The following ABLIM3 variants were observed in gnomAD, a reference collection of about 807,000 sequenced individuals.
The protein encoded by ABLIM3 is actin-binding LIM protein 3.
A neutral mutation model predicts 109.5 loss-of-function variants in ABLIM3; 61 were observed. That is an observed-to-expected ratio of 0.56 (90% CI 0.45 to 0.69). ABLIM3 has a LOEUF of 0.69. Ranked by LOEUF, ABLIM3 falls within the 30% of genes least tolerant of loss-of-function variation. ABLIM3 has a pLI of 0.00. For synonymous variants in ABLIM3, 300 were observed against 324.8 expected (o/e 0.92, Z 0.82); for missense variants, 796 against 889.5 (o/e 0.89, Z 1.34).
chr5:149,191,263 A>G (rs201751213), intron 3 of ABLIM3, among the ~76,000 whole-genome samples: 1 of 151,642 alleles, frequency 6.6e-6, no homozygotes, highest in East Asian at 1.9e-4. Context: ...TGTAGTTGCT[A>G]TTAAAATTAA....
chr5:149,207,803 G>A (rs1759146402), intron 6 of ABLIM3, among the ~76,000 whole-genome samples: 1 of 152,224 alleles, frequency 6.6e-6, no homozygotes, highest in South Asian at 2.1e-4. Context: ...ATGGATATGA[G>A]AGGAGGTGAT....
chr5:149,209,702 T>G (rs1036385841), intron 6 of ABLIM3, among the ~76,000 whole-genome samples: 31 of 152,230 alleles, frequency 2.0e-4, no homozygotes, highest in African/African-American at 6.5e-4. Context: ...GAGAACCTGA[T>G]TGAGCGGGGG....
intron 2 of ABLIM3, among the ~76,000 whole-genome samples, chr5:149,154,730 T>C (rs1753734377): frequency 6.6e-6 from 1 of 152,356 alleles, no homozygotes; most frequent in South Asian, 2.1e-4. Context: ...CTTTCTCTCA[T>C]CCTCCTTTGA....
rs777571642 is a variant in ABLIM3, at chr5:149,247,874, C to T, written c.1644C>T (p.Ser548=). 6.2e-7 allele frequency: 1 copy of T among 1,614,224 alleles called. No homozygotes were observed. Among genetic ancestry groups the T allele is most frequent in the Non-Finnish European group, 8.5e-7 (1 of 1,180,044 alleles). The part of the protein sequence containing the change: ...YADPWTPPRS[S]TSSREALHTA... ...ATCCCTGGACCCCTCCCCGGAGCTCCACCAGCAGCCGGGAAGCCCTGCACA... is the reference window on the plus strand; with the variant it reads ...ATCCCTGGACCCCTCCCCGGAGCTCTACCAGCAGCCGGGAAGCCCTGCACA... The change falls in exon 18 of 24, where the codon TCC becomes TCT. Residue 548 remains serine, a synonymous_variant. Transcript: ENST00000309868.
chr5:149,252,915 G>T, intron 23 of ABLIM3, 78 bp downstream of exon 23: 1 of 1,130,800 alleles, frequency 8.8e-7, no homozygotes, highest in Non-Finnish European at 1.3e-6. Context: ...CAGCTCAAGA[G>T]GGCTGGGTGG....
intron 17 of ABLIM3, among the ~76,000 whole-genome samples, chr5:149,246,787 C>T (rs147243242): frequency 1.0e-3 from 152 of 152,356 alleles, no homozygotes; most frequent in African/African-American, 3.5e-3. Flanking sequence ...TCTGCATTGG[C>T]TTCATGCTCA....
chr5:149,168,671 A>T (rs973807741), intron 2 of ABLIM3, among the ~76,000 whole-genome samples: 2 of 152,234 alleles, frequency 1.3e-5, no homozygotes, highest in African/African-American at 4.8e-5. Context: ...ATGCCAGTTG[A>T]CTTTTTTAAA....
chr5:149,165,262 T>G (rs1022834223), intron 2 of ABLIM3, among the ~76,000 whole-genome samples: 3 of 152,212 alleles, frequency 2.0e-5, no homozygotes, highest in African/African-American at 4.8e-5. Context: ...TCTAGCCCAT[T>G]GAATGATTCT....
chr5:149,170,228 T>TTTTCTCTCTCTCTCTCTCTC (rs1554082423), intron 2 of ABLIM3, among the ~76,000 whole-genome samples: 9 of 124,604 alleles, frequency 7.2e-5, no homozygotes, highest in African/African-American at 2.8e-4. Flanking sequence ...AGGGTTCTGT[T>TTTTCTCTCTCTCTCTCTCTC]TCTCTCTCTC....
intron 2 of ABLIM3, among the ~76,000 whole-genome samples, chr5:149,157,741 G>T (rs1331512762): frequency 6.6e-6 from 1 of 151,934 alleles, no homozygotes; most frequent in Non-Finnish European, 1.5e-5. Flanking sequence ...GGCCATGATT[G>T]TCAAACATGA....
chr5:149,249,929 G>T (rs1163238450), intron 19 of ABLIM3, 85 bp downstream of exon 19: 2 of 1,507,714 alleles, frequency 1.3e-6, no homozygotes, highest in East Asian at 2.3e-5. Context: ...TAGTTCTAAT[G>T]ACCATACAAT....
chr5:149,210,692 A>C (rs761285481), intron 6 of ABLIM3, 34 bp from the exon 7 acceptor site: 9 of 1,594,384 alleles, frequency 5.6e-6, no homozygotes, highest in Non-Finnish European at 7.7e-6. Context: ...GATCCTCCCT[A>C]ACTTCCTCAT....
chr5:149,248,873 C>T (rs1044333518), intron 18 of ABLIM3, among the ~76,000 whole-genome samples: 10 of 63,714 alleles, frequency 1.6e-4, no homozygotes, highest in African/African-American at 3.7e-4. Context: ...CACACACACA[C>T]ACACACACAC....
intron 10 of ABLIM3, among the ~76,000 whole-genome samples, chr5:149,234,062 T>C: frequency 6.6e-6 from 1 of 152,236 alleles, no homozygotes; most frequent in East Asian, 1.9e-4. Flanking sequence ...ATGCCTGTCC[T>C]CATGACATTG....
intron 8 of ABLIM3, among the ~76,000 whole-genome samples, chr5:149,226,900 A>G (rs1161744856): frequency 2.6e-5 from 4 of 151,866 alleles, no homozygotes; most frequent in Admixed American, 1.3e-4. Flanking sequence ...GAGAAACCCC[A>G]TCTCTACTAA....
chr5:149,142,062 T>A lies in ABLIM3; in HGVS notation c.-34T>A, dbSNP rs1323830064. 2 of 1,613,770 alleles carry A rather than the reference T, an allele frequency of 1.2e-6. No individual in the cohort carries two copies. Among genetic ancestry groups the A allele is most frequent in the East Asian group, 4.5e-5 (2 of 44,818 alleles). ...ATTTAAAAAGCAGCCGGGGCCTCCG[T>A]ATTGAATGAAAGACCCAGTGCAAAG... On this transcript the variant is annotated 5_prime_UTR_variant, in exon 2 of 24. Transcript: ENST00000309868.
At chr5:149,156,996 G>GAA (rs1267859563) in intron 2 of ABLIM3, among the ~76,000 whole-genome samples, 8 of 152,358 alleles carry the variant, frequency 5.3e-5, no homozygotes, top group Middle Eastern at 3.4e-3. Context: ...TGATGACAAA[G>GAA]AAATGTTCAA....
rs116595340 is a variant in ABLIM3 at position 149,217,539 on chromosome 5, C to T, written c.757+493C>T. 8.2e-3 allele frequency: 1,326 copies of T among 161,418 alleles called. 23 individuals carry two copies. The highest frequency in any genetic ancestry group is 0.03 in the African/African-American group (1,260 of 41,854). The allele number at this position is 161,418 out of a possible 1,614,324, so 10.0% of individuals were successfully genotyped here. A position where few individuals can be genotyped will look rare whatever the true frequency, so the allele number is the denominator to read the frequency against. On this transcript the variant is annotated intron_variant, in intron 8 of 23. Transcript: ENST00000309868. ...GAATGAGGAGTGCCAGTCGTCCCCACAAAGCTAACCAGGGCTGCTTTCCAT... is the reference window on the plus strand; with the variant it reads ...GAATGAGGAGTGCCAGTCGTCCCCATAAAGCTAACCAGGGCTGCTTTCCAT...
intron 2 of ABLIM3, among the ~76,000 whole-genome samples, chr5:149,179,751 CAT>C (rs1057251256): frequency 1.3e-5 from 2 of 152,028 alleles, no homozygotes; most frequent in Non-Finnish European, 2.9e-5. Context: ...CCACTAATCA[CAT>C]GTGACTATTT....
Sources: gnomAD v4.1 joint callset for allele counts (sites outside exome capture counted in the v4.1 genomes callset) on GRCh38, gnomAD v4.1.1 for gene constraint, MANE v1.5 for transcripts, NCBI Gene and HGNC (gene_info 2026-07-23, HGNC 2026-07-21) for gene names.